Variants in GCC2 observed in about 807,000 individuals in gnomAD.
The protein encoded by GCC2 is GRIP and coiled-coil domain containing 2, also known as GRIP and coiled-coil domain-containing protein 2.
Under a neutral mutation model 210.6 loss-of-function variants are expected in GCC2, and 120 were observed. The ratio of observed to expected loss-of-function variants is 0.57; its 90% CI spans 0.49 to 0.66. The LOEUF (loss-of-function observed/expected upper bound fraction) is 0.66. Among genes scored for constraint, GCC2 ranks in the 30% least tolerant of loss-of-function variants. The pLI, the probability that GCC2 is intolerant of heterozygous loss-of-function variation, is 0.00. For missense variants in GCC2, 1,868 were observed against 1,871.9 expected (o/e 1.00, Z 0.04); for synonymous variants, 703 against 652.7 (o/e 1.08, Z -1.17).
chr2:108,484,152 G>A lies in GCC2; in HGVS notation c.3454G>A (p.Ala1152Thr), dbSNP rs1312668795. The A allele has an allele frequency of 1.3e-6, 2 of 1,569,794 alleles. No individual in the cohort carries two copies. The highest frequency in any genetic ancestry group is 1.7e-6 in the Non-Finnish European group (2 of 1,163,824). Residue 1152 changes from alanine to threonine, a missense_variant, in exon 13 of 23, where the codon GCC becomes ACC. Coordinates refer to ENST00000309863, the MANE Select transcript of GCC2 (RefSeq NM_181453.4). ...CTTTTACTTATAAAATGTGCAGGAT[G>A]CCCAACAAACCACATTGATGAATAT... The part of the protein sequence containing the change: ...MQELELVKKD[A>T]QQTTLMNMEI...
At chr2:108,454,670 C>G (rs181765191) in intron 4 of GCC2, among the ~76,000 whole-genome samples, 2 of 152,266 alleles carry the variant, frequency 1.3e-5, no homozygotes, top group East Asian at 3.9e-4. Flanking sequence ...GCTGTGTGAC[C>G]TTGACTAAGT....
intron 22 of GCC2, among the ~76,000 whole-genome samples, chr2:108,504,158 C>T (rs1353197995): frequency 1.3e-5 from 2 of 151,976 alleles, no homozygotes; most frequent in Non-Finnish European, 2.9e-5. Flanking sequence ...ATATGTCAAA[C>T]ATTAGAATAT....
chr2:108,473,589 A>G (rs1573375332), intron 7 of GCC2, among the ~76,000 whole-genome samples: 1 of 152,160 alleles, frequency 6.6e-6, no homozygotes, highest in Non-Finnish European at 1.5e-5. Context: ...TTATTCCCAT[A>G]TAAGAATCAG....
rs748848872 is a variant in GCC2 at position 108,469,690 on chromosome 2, G to A, written c.361G>A (p.Glu121Lys). 6.2e-7 allele frequency: 1 copy of A among 1,607,650 alleles called. No homozygotes were observed. Among genetic ancestry groups the A allele is most frequent in the East Asian group, 2.2e-5 (1 of 44,790 alleles). Residue 121 changes from glutamate (E) to lysine (K), a missense_variant, in exon 6 of 23, where the codon GAA becomes AAA. Transcript: ENST00000309863. ...GATGGGAGATGCACATAAGGAGTTG[G>A]AACAATCACATATAAACTATGTGAA... The part of the protein sequence containing the change: ...TKMGDAHKEL[E>K]QSHINYVKEI...
chr2:108,481,899 A>C (rs1681874428), intron 10 of GCC2, 83 bp downstream of exon 10: 2 of 1,048,558 alleles, frequency 1.9e-6, no homozygotes, highest in Admixed American at 2.8e-5. Context: ...AATTTAAAAA[A>C]TATAGTCGGA....
intron 7 of GCC2, among the ~76,000 whole-genome samples, chr2:108,474,018 C>T (rs1480906145): frequency 2.0e-5 from 3 of 151,154 alleles, no homozygotes; most frequent in East Asian, 2.0e-4. Flanking sequence ...ATTAGCCGGG[C>T]GTTGTGGCGG....
intron 10 of GCC2, 42 bp from the exon 11 acceptor site, chr2:108,482,245 G>GTT (rs1189404803): frequency 1.7e-6 from 2 of 1,204,300 alleles, no homozygotes; most frequent in Non-Finnish European, 2.4e-6. Flanking sequence ...TGCTGTATAT[G>GTT]TTTTTTGCAT....
At chr2:108,449,770 G>C (rs989100475) in intron 2 of GCC2, 81 bp downstream of exon 2, 19 of 1,086,348 alleles carry the variant, frequency 1.7e-5, no homozygotes, top group Non-Finnish European at 2.5e-5. Context: ...GGGAAGGGGG[G>C]GGCGCTGATT....
chr2:108,482,533 A>G, intron 11 of GCC2, 82 bp downstream of exon 11: 1 of 684,738 alleles, frequency 1.5e-6, no homozygotes, highest in East Asian at 2.6e-5. Flanking sequence ...AAGACTTACT[A>G]AGAGTAGCAT....
At chr2:108,488,537 T>C (rs1682257298) in intron 17 of GCC2, among the ~76,000 whole-genome samples, 1 of 152,222 alleles carries the variant, frequency 6.6e-6, no homozygotes, top group African/African-American at 2.4e-5. Context: ...TAAACAGAAG[T>C]TGCTTTAAAA....
At chr2:108,450,933 A>G (rs1679910689) in intron 2 of GCC2, 95 bp from the exon 3 acceptor site, 1 of 770,266 alleles carries the variant, frequency 1.3e-6, no homozygotes, top group Non-Finnish European at 2.2e-6. Context: ...TTTATTCTGT[A>G]GAATGTTTTT....
rs1681227130 is a variant in GCC2 at position 108,471,657 on chromosome 2, G to C, written c.2328G>C (p.Glu776Asp). ...CAGAAGTTTCAGAAGACAGTGAAGA[G>C]AAAGATGTTGTTAATGTCCTACAGG... ...MGSEVSEDSE[E>D]KDVVNVLQAV... Residue 776 changes from glutamate to aspartate, a missense_variant, in exon 6 of 23, where the codon GAG becomes GAC. Coordinates refer to ENST00000309863, the MANE Select transcript of GCC2 (RefSeq NM_181453.4). 2 of 1,613,394 alleles carry C rather than the reference G, an allele frequency of 1.2e-6. No homozygotes were observed. Among genetic ancestry groups the C allele is most frequent in the African/African-American group, 2.7e-5 (2 of 74,898 alleles).
chr2:108,498,183 CTTTTTTTTTTTTTTTTTT>C (rs3084885), intron 21 of GCC2, among the ~76,000 whole-genome samples: 2 of 57,478 alleles, frequency 3.5e-5, no homozygotes, highest in East Asian at 5.8e-4. Flanking sequence ...GTTATATTTT[CTTTTTTTTTTTTTTTTTT>C]TTTTTTTTTT....
chr2:108,450,889 A>T, intron 2 of GCC2, 139 bp from the exon 3 acceptor site: 1 of 629,610 alleles, frequency 1.6e-6, no homozygotes, highest in African/African-American at 1.9e-5. Flanking sequence ...CTCAAAAAAA[A>T]AATGTGGAAC....
chr2:108,470,151 C>A lies in GCC2; in HGVS notation c.822C>A (p.Asn274Lys). The A allele has an allele frequency of 6.2e-7, 1 of 1,613,420 alleles. No individual in the cohort carries two copies. The highest frequency in any genetic ancestry group is 1.1e-5 in the South Asian group (1 of 91,058). Residue 274 changes from asparagine (N) to lysine (K), a missense_variant, in exon 6 of 23, where the codon AAC becomes AAA. Physicochemically the swap from Asn to Lys is moderately conservative, Grantham distance 94. Around this residue, in one of 3 missense-constraint regions of GCC2, gnomAD observed 1,847 missense variants for 1,765.2 expected, o/e 1.05. Coordinates refer to ENST00000309863, the MANE Select transcript of GCC2 (RefSeq NM_181453.4). ...KEHEAEINKL[N>K]ELKENLVKQC... Reference sequence around the variant, plus strand: ...ATGAAGCAGAGATAAATAAGTTGAACGAGCTAAAAGAGAACTTAGTAAAAC... The same window carrying A: ...ATGAAGCAGAGATAAATAAGTTGAAAGAGCTAAAAGAGAACTTAGTAAAAC...
At chr2:108,486,697 G>A in intron 16 of GCC2, 49 bp downstream of exon 16, 1 of 1,561,898 alleles carries the variant, frequency 6.4e-7, no homozygotes, top group South Asian at 1.2e-5. Context: ...TTTATTATCA[G>A]CTAGTCATTG....
chr2:108,492,553 C>T lies in GCC2; in HGVS notation c.4230-20C>T, dbSNP rs374638772. On this transcript the variant is annotated intron_variant, in intron 18 of 22. Transcript: ENST00000309863. ...TATAAAGTTGAAAGATCTTCTGTAA[C>T]TAAGTTTCTCATCTTTCAGATTGTG... The T allele has an allele frequency of 1.3e-6, 2 of 1,516,080 alleles. No homozygotes were observed. Among genetic ancestry groups the T allele is most frequent in the African/African-American group, 2.7e-5 (2 of 72,986 alleles). The allele number at this position is 1,516,080 out of a possible 1,614,324, so 93.9% of individuals were successfully genotyped here.
intron 19 of GCC2, 108 bp downstream of exon 19, chr2:108,492,898 G>A (rs958222575): frequency 7.6e-6 from 6 of 792,678 alleles, no homozygotes; most frequent in Non-Finnish European, 6.3e-6. Context: ...GGTGTCACCA[G>A]TGTCAAATCT....
chr2:108,503,145 C>T (rs1408372621), intron 22 of GCC2, among the ~76,000 whole-genome samples: 1 of 147,548 alleles, frequency 6.8e-6, no homozygotes, highest in Non-Finnish European at 1.5e-5. Flanking sequence ...ATTCAAAAAC[C>T]CAATAAAATC....
Sources: gnomAD v4.1 joint callset for allele counts (sites outside exome capture counted in the v4.1 genomes callset) on GRCh38, gnomAD v4.1.1 for gene constraint, gnomAD v4.1.1 regional missense constraint, MANE v1.5 for transcripts, NCBI Gene and HGNC (gene_info 2026-07-23, HGNC 2026-07-21) for gene names.